RYR3: variants seen among roughly 807,000 people sequenced by gnomAD.
The protein encoded by RYR3 is brain ryanodine receptor-calcium release channel.
A neutral mutation model predicts 584.3 loss-of-function variants in RYR3; 207 were observed. The ratio of observed to expected loss-of-function variants is 0.35; its 90% CI spans 0.32 to 0.40. The LOEUF is 0.40. RYR3 is among the 10% of genes least tolerant of loss of function. The pLI is 1.00. For synonymous variants in RYR3, 2,416 were observed against 2,248.5 expected, an observed-to-expected ratio of 1.07 and a Z score of -2.11; for missense variants, 5,616 against 6,089.2, an observed-to-expected ratio of 0.92 and a Z score of 2.59.
chr15:33,460,142 G>A (rs2047898747), intron 1 of RYR3, among the ~76,000 whole-genome samples: 1 of 152,234 alleles, frequency 6.6e-6, no homozygotes, highest in African/African-American at 2.4e-5. Context: ...CAGAAGGTCA[G>A]CAGAGTGATT....
chr15:33,865,403 G>GACAT lies in RYR3; in HGVS notation c.*181_*184dup, dbSNP rs1268155540. On this transcript the variant is annotated 3_prime_UTR_variant, in exon 104 of 104. Transcript: ENST00000634891. ...TTGATTTGGCTTTTTGTGCCTAATGGACATACACTGTGGGAGAGAACCTGT... is the reference window on the plus strand; with the variant it reads ...TTGATTTGGCTTTTTGTGCCTAATGGACATACATACACTGTGGGAGAGAACCTGT... 5 of 576,972 alleles carry GACAT rather than the reference G, an allele frequency of 8.7e-6. No individual in the cohort carries two copies. Among genetic ancestry groups the GACAT allele is most frequent in the Non-Finnish European group, 1.2e-5 (4 of 324,984 alleles). The allele number at this position is 576,972 out of a possible 1,614,324, so 35.7% of individuals were successfully genotyped here. A position where few individuals can be genotyped will look rare whatever the true frequency, so the allele number is the denominator to read the frequency against.
At chr15:33,697,258 A>C (rs1228093252) in intron 39 of RYR3, among the ~76,000 whole-genome samples, 1 of 152,232 alleles carries the variant, frequency 6.6e-6, no homozygotes, top group Non-Finnish European at 1.5e-5. Context: ...ACTCATTTCC[A>C]AAGAGAAATC....
At chr15:33,716,581 C>T (rs2067509370) in intron 43 of RYR3, among the ~76,000 whole-genome samples, 1 of 150,428 alleles carries the variant, frequency 6.6e-6, no homozygotes, top group Admixed American at 6.7e-5. Context: ...AAACAAATTC[C>T]TCAAATAAAG....
intron 32 of RYR3, among the ~76,000 whole-genome samples, chr15:33,657,893 C>G (rs1490947465): frequency 6.6e-6 from 1 of 152,192 alleles, no homozygotes; most frequent in Non-Finnish European, 1.5e-5. Context: ...AATGATAGCA[C>G]TAAATCATGC....
chr15:33,371,237 C>G (rs991639459), intron 1 of RYR3, among the ~76,000 whole-genome samples: 1 of 152,132 alleles, frequency 6.6e-6, no homozygotes. Flanking sequence ...AAACTGGCAT[C>G]GCAGGGCTTC....
intron 2 of RYR3, among the ~76,000 whole-genome samples, chr15:33,496,325 G>A (rs1217767921): frequency 1.2e-4 from 19 of 152,158 alleles, no homozygotes. Context: ...TAGACTCTGT[G>A]TCTACACAAT....
intron 1 of RYR3, among the ~76,000 whole-genome samples, chr15:33,378,628 T>C (rs2040928928): frequency 6.6e-6 from 1 of 152,250 alleles, no homozygotes; most frequent in Admixed American, 6.5e-5. Context: ...AGTATTTGTT[T>C]CAGTCATCAG....
intron 45 of RYR3, among the ~76,000 whole-genome samples, chr15:33,725,180 C>CACACACACACACACACACATAT (rs1555427018): frequency 1.5e-4 from 21 of 143,896 alleles, no homozygotes; most frequent in South Asian, 5.1e-4. Context: ...CACACACACA[C>CACACACACACACACACACATAT]ACACACACAC....
intron 43 of RYR3, among the ~76,000 whole-genome samples, chr15:33,713,749 C>G (rs575241889): frequency 6.6e-6 from 1 of 152,258 alleles, no homozygotes; most frequent in Non-Finnish European, 1.5e-5. Context: ...GATCAAGGTG[C>G]TGGCAGATTC....
intron 1 of RYR3, among the ~76,000 whole-genome samples, chr15:33,400,485 A>C (rs770033240): frequency 6.6e-6 from 1 of 152,174 alleles, no homozygotes; most frequent in Non-Finnish European, 1.5e-5. Flanking sequence ...GCTGGGGGAA[A>C]AGCAGGTGAG....
In RYR3 at chr15:33,425,680, G is replaced by C. The variant is rs1197714868; in HGVS notation, c.52-47739G>C. On this transcript the variant is annotated intron_variant, in intron 1 of 103. Coordinates refer to ENST00000634891, the MANE Select transcript of RYR3 (RefSeq NM_001036.6). ...TTTTTGAGATGGAGTCTCGCTCTGT[G>C]GCCCAGGCTGGAGTGAATTGCCGTG... Among the ~76,000 whole-genome samples the C allele has an allele frequency of 1.1e-4, 15 of 130,756 alleles. 1 individual carries two copies. Among genetic ancestry groups the C allele is most frequent in the South Asian group, 7.3e-4 (3 of 4,106 alleles). 85.8% of individuals were successfully genotyped at this position (130,756 alleles called of 152,430 possible).
intron 1 of RYR3, among the ~76,000 whole-genome samples, chr15:33,397,873 G>C (rs780776138): frequency 2.0e-5 from 3 of 152,236 alleles, no homozygotes; most frequent in African/African-American, 7.2e-5. Context: ...ACAGAAGAGG[G>C]GGGTGTAATG....
chr15:33,602,465 G>C (rs2059711729), intron 17 of RYR3, among the ~76,000 whole-genome samples: 1 of 152,098 alleles, frequency 6.6e-6, no homozygotes, highest in Admixed American at 6.6e-5. Flanking sequence ...TAACAAAGCT[G>C]CTATACTGAA....
rs112180018 is a variant in RYR3, at chr15:33,686,493, A to T, written c.5861-9725A>T. 6.6e-3 allele frequency among the ~76,000 whole-genome samples: 1,001 copies of T among 152,320 alleles called. 9 individuals carry two copies. The highest frequency in any genetic ancestry group is 0.023 in the African/African-American group (937 of 41,568). On this transcript the variant is annotated intron_variant, in intron 38 of 103. Coordinates refer to ENST00000634891, the MANE Select transcript of RYR3 (RefSeq NM_001036.6). ...CGAATTCACAGCCGAATTCTACCAG[A>T]GGTACAAAGAGGAGCTGGTACGATT...
At chr15:33,315,490 C>A (rs1340660453) in intron 1 of RYR3, among the ~76,000 whole-genome samples, 2 of 152,174 alleles carry the variant, frequency 1.3e-5, no homozygotes, top group African/African-American at 4.8e-5. Context: ...CAGAGCTGAA[C>A]TGTAAGCTCT....
intron 85 of RYR3, among the ~76,000 whole-genome samples, chr15:33,828,991 C>G (rs901799649): frequency 2.6e-5 from 4 of 152,184 alleles, no homozygotes; most frequent in African/African-American, 9.7e-5. Context: ...GGCAGCCCAG[C>G]TGGTAGCTTT....
chr15:33,792,938 C>A (rs1213354838), intron 67 of RYR3, among the ~76,000 whole-genome samples: 1 of 152,110 alleles, frequency 6.6e-6, no homozygotes, highest in Non-Finnish European at 1.5e-5. Context: ...AGTGCAGATC[C>A]CACAGGTCAA....
intron 102 of RYR3, 54 bp from the exon 103 acceptor site, chr15:33,864,084 G>T: frequency 1.5e-6 from 2 of 1,358,576 alleles, no homozygotes; most frequent in Non-Finnish European, 1.0e-6. Context: ...TAATCCATGC[G>T]AATGAACTTG....
intron 1 of RYR3, among the ~76,000 whole-genome samples, chr15:33,395,961 C>T (rs923480785): frequency 3.3e-5 from 5 of 152,182 alleles, no homozygotes; most frequent in South Asian, 2.1e-4. Context: ...TGGAAACCCA[C>T]GCATACAGAG....
Sources: gnomAD v4.1 joint callset for allele counts (sites outside exome capture counted in the v4.1 genomes callset) on GRCh38, gnomAD v4.1.1 for gene constraint, MANE v1.5 for transcripts, NCBI Gene and HGNC (gene_info 2026-07-23, HGNC 2026-07-21) for gene names.